DLG1: variants seen among roughly 807,000 people sequenced by gnomAD.
The protein encoded by DLG1 is discs large MAGUK scaffold protein 1.
DLG1 carries 42 observed loss-of-function variants against 123.4 expected under a neutral mutation model. The ratio of observed to expected loss-of-function variants is 0.34; its 90% confidence interval spans 0.27 to 0.44. The LOEUF (loss-of-function observed/expected upper bound fraction) is 0.44, where lower values mean the gene tolerates loss of function less well. DLG1 is among the 20% of genes least tolerant of loss of function. The probability of loss-of-function intolerance (pLI) is 1.00; values close to 1 mark genes in which losing one functional copy is unlikely to be tolerated. For missense variants in DLG1, 942 were observed against 1,082.6 expected, an observed-to-expected ratio of 0.87 and a Z score of 1.82; for synonymous variants, 317 against 356.2, an observed-to-expected ratio of 0.89 and a Z score of 1.24.
At chr3:197,221,098 TACATACC>T (rs1736744293) in intron 4 of DLG1, among the ~76,000 whole-genome samples, 1 of 152,222 alleles carries the variant, frequency 6.6e-6, no homozygotes, top group Non-Finnish European at 1.5e-5. Context: ...AAGGAAACCT[TACATACC>T]ACATACCATA....
chr3:197,069,122 C>G, intron 19 of DLG1, 97 bp downstream of exon 19: 3 of 718,242 alleles, frequency 4.2e-6, no homozygotes, highest in Non-Finnish European at 6.4e-6. Context: ...GATCATATAA[C>G]TTCAGGTTTT....
intron 4 of DLG1, among the ~76,000 whole-genome samples, chr3:197,248,735 T>C (rs1200098205): frequency 3.3e-5 from 4 of 121,840 alleles, no homozygotes; most frequent in African/African-American, 1.1e-4. Context: ...AGGAAGTTTA[T>C]TTTTTGTACC....
intron 4 of DLG1, among the ~76,000 whole-genome samples, chr3:197,237,765 G>A (rs13321716): frequency 0.14 from 21,747 of 152,190 alleles, 1,624 homozygotes; most frequent in African/African-American, 0.17. Flanking sequence ...CCACTATCCA[G>A]CAGTAACAAG....
At chr3:197,240,356 C>G (rs954548851) in intron 4 of DLG1, among the ~76,000 whole-genome samples, 6 of 152,186 alleles carry the variant, frequency 3.9e-5, no homozygotes, top group South Asian at 2.1e-4. Context: ...CTAGGTGAAC[C>G]TGGGCTTAAG....
At chr3:197,127,482 ATATATATATATAT>A (rs1560878755) in intron 11 of DLG1, among the ~76,000 whole-genome samples, 1,783 of 106,676 alleles carry the variant, frequency 0.017, 68 homozygotes, top group Middle Eastern at 0.033. Context: ...ATATATATAT[ATATATATATATAT>A]AAAGTAAGAA....
chr3:197,210,067 TG>T (rs1336132283), intron 4 of DLG1, among the ~76,000 whole-genome samples: 2 of 146,404 alleles, frequency 1.4e-5, no homozygotes, highest in African/African-American at 4.9e-5. Flanking sequence ...AAACCATAAC[TG>T]TGAGTATAAT....
Position 197,042,735 on chromosome 3 carries a change from G to T in DLG1, c.*1888C>A, listed in dbSNP as rs1293557399. On this transcript the variant is annotated 3_prime_UTR_variant, in exon 25 of 25. Coordinates refer to ENST00000667157, the MANE Select transcript of DLG1 (RefSeq NM_001366207.1). ...ACAACAGTTTTCTTCATACTAGTGT[G>T]TTTCTATGTGGTTAACAACCTACGA... The T allele has an allele frequency of 6.6e-6, 1 of 152,182 alleles. No homozygotes were observed. The highest frequency in any genetic ancestry group is 1.5e-5 in the Non-Finnish European group (1 of 68,032). The allele number at this position is 152,182 out of a possible 1,614,324, so 9.4% of individuals were successfully genotyped here. A position where few individuals can be genotyped will look rare whatever the true frequency, so the allele number is the denominator to read the frequency against.
chr3:197,286,894 C>T (rs1253195127), intron 3 of DLG1, among the ~76,000 whole-genome samples: 5 of 143,578 alleles, frequency 3.5e-5, no homozygotes, highest in African/African-American at 7.7e-5. Flanking sequence ...GAGCTCAGGC[C>T]TTTTTTTTTT....
At chr3:197,076,412 G>A (rs1368922127) in intron 18 of DLG1, among the ~76,000 whole-genome samples, 174 bp downstream of exon 18, 1 of 152,160 alleles carries the variant, frequency 6.6e-6, no homozygotes, top group African/African-American at 2.4e-5. Flanking sequence ...TTCCTAAGGT[G>A]CCAGAAAAAG....
intron 5 of DLG1, among the ~76,000 whole-genome samples, chr3:197,173,034 GTT>G (rs1275408078): frequency 6.6e-6 from 1 of 152,164 alleles, no homozygotes; most frequent in Non-Finnish European, 1.5e-5. Context: ...ACTTCTGTAA[GTT>G]AGTCTCGATT....
At chr3:197,268,905 C>T (rs563121911) in intron 4 of DLG1, among the ~76,000 whole-genome samples, 1 of 151,330 alleles carries the variant, frequency 6.6e-6, no homozygotes, top group African/African-American at 2.4e-5. Flanking sequence ...AAAACAAACA[C>T]ACACACACCC....
At chr3:197,090,475 C>T (rs573683543) in intron 15 of DLG1, among the ~76,000 whole-genome samples, 187 of 152,158 alleles carry the variant, frequency 1.2e-3, no homozygotes, top group African/African-American at 4.2e-3. Context: ...TTTACCGAGG[C>T]TATTCACATT....
At chr3:197,200,294 T>A (rs1724947513) in intron 4 of DLG1, among the ~76,000 whole-genome samples, 1 of 152,306 alleles carries the variant, frequency 6.6e-6, no homozygotes, top group East Asian at 1.9e-4. Context: ...TATCTCCCTA[T>A]CTACCCCTCA....
chr3:197,099,865 G>A (rs2149262586), intron 14 of DLG1, among the ~76,000 whole-genome samples: 1 of 152,322 alleles, frequency 6.6e-6, no homozygotes, highest in Non-Finnish European at 1.5e-5. Flanking sequence ...AGGCCAGTTA[G>A]TTGTTTTAAG....
rs556054002 is a variant in DLG1 at position 197,232,332 on chromosome 3, C to G, written c.319-37743G>C. 5.5e-5 allele frequency among the ~76,000 whole-genome samples: 8 copies of G among 146,486 alleles called. No individual in the cohort carries two copies. The South Asian group carries it at 1.8e-3, about 32-fold the overall frequency. ...TGAGCTATGATCACGCCACTGTACTCCAGCATGGATGACAGAGACCTTGTC... is the reference window on the plus strand; with the variant it reads ...TGAGCTATGATCACGCCACTGTACTGCAGCATGGATGACAGAGACCTTGTC... On this transcript the variant is annotated intron_variant, in intron 4 of 24. Transcript: ENST00000667157.
At chr3:197,080,987 C>A in intron 17 of DLG1, 64 bp downstream of exon 17, 2 of 1,451,644 alleles carry the variant, frequency 1.4e-6, no homozygotes, top group Non-Finnish European at 1.9e-6. Flanking sequence ...TAGCAAAATC[C>A]TTTTCATTTT....
chr3:197,050,390 A>C (rs1052401930), intron 24 of DLG1, among the ~76,000 whole-genome samples: 9 of 151,704 alleles, frequency 5.9e-5, no homozygotes, highest in East Asian at 1.9e-4. Flanking sequence ...AACAAAAAAA[A>C]CCCCCAAAAA....
rs141969324 is a variant in DLG1, at chr3:197,125,296, T to C, written c.1165+5231A>G. Among the ~76,000 whole-genome samples the C allele has an allele frequency of 2.5e-3, 384 of 152,252 alleles. 1 individual carries two copies. The highest frequency in any genetic ancestry group is 3.0e-3 in the Non-Finnish European group (206 of 68,022). ...CAAGAGTAAGGCACTATCTATGATT[T>C]ATGGCCATACGTAAAAAGCAGAATT... On this transcript the variant is annotated intron_variant, in intron 11 of 24. Coordinates refer to ENST00000667157, the MANE Select transcript of DLG1 (RefSeq NM_001366207.1).
At chr3:197,256,994 G>A (rs1018660783) in intron 4 of DLG1, among the ~76,000 whole-genome samples, 1 of 152,048 alleles carries the variant, frequency 6.6e-6, no homozygotes, top group Non-Finnish European at 1.5e-5. Context: ...ACAGGTTACT[G>A]AACATTTTTA....
Sources: gnomAD v4.1 joint callset for allele counts (sites outside exome capture counted in the v4.1 genomes callset) on GRCh38, gnomAD v4.1.1 for gene constraint, MANE v1.5 for transcripts, NCBI Gene and HGNC (gene_info 2026-07-23, HGNC 2026-07-21) for gene names.